OSBPL1A: variants seen among roughly 807,000 people sequenced by gnomAD.
OSBPL1A encodes the protein oxysterol-binding protein-related protein 1.
Under a neutral mutation model 137.1 loss-of-function variants are expected in OSBPL1A, and 80 were observed. That is an observed-to-expected ratio of 0.58 (90% CI 0.49 to 0.70). OSBPL1A has a LOEUF of 0.70. Ranked by LOEUF, OSBPL1A falls within the 30% of genes least tolerant of loss-of-function variation. The probability of loss-of-function intolerance (pLI) is 0.00; values close to 1 mark genes in which losing one functional copy is unlikely to be tolerated. For missense variants in OSBPL1A, 970 were observed against 1,129.4 expected, an observed-to-expected ratio of 0.86 and a Z score of 2.02; for synonymous variants, 365 against 389.7, an observed-to-expected ratio of 0.94 and a Z score of 0.75.
chr18:24,228,291 C>T (rs540841866), intron 16 of OSBPL1A, among the ~76,000 whole-genome samples: 1 of 150,860 alleles, frequency 6.6e-6, no homozygotes, highest in East Asian at 2.0e-4. Context: ...TTTCTTCCCC[C>T]TCCCCTCACC....
Position 24,317,176 on chromosome 18 carries a change from G to T in OSBPL1A, c.843C>A (p.Cys281Ter). Residue 281 changes from cysteine to a stop codon, truncating the protein, a stop_gained, in exon 11 of 28, where the codon TGC (cysteine) becomes TGA (stop). Transcript: ENST00000319481. LOFTEE classifies it high-confidence loss of function. ...DAVHNIYRQG[C>*]KHLTQAVCTV... ...TGCATACTGCTTGAGTCAGGTGTTT[G>T]CATCCCTGGCGATAAATATTATGAA... 1.2e-6 allele frequency: 2 copies of T among 1,613,748 alleles called. No homozygotes were observed. The highest frequency in any genetic ancestry group is 1.7e-6 in the Non-Finnish European group (2 of 1,179,924).
chr18:24,183,116 T>C (rs757713467), intron 18 of OSBPL1A, among the ~76,000 whole-genome samples: 4 of 151,852 alleles, frequency 2.6e-5, no homozygotes, highest in Admixed American at 6.6e-5. Flanking sequence ...AGGGATCCGA[T>C]CCTCCCACCT....
chr18:24,344,831 G>C (rs2091319666), intron 4 of OSBPL1A, among the ~76,000 whole-genome samples: 1 of 151,968 alleles, frequency 6.6e-6, no homozygotes, highest in Admixed American at 6.6e-5. Context: ...GTTTTCTTGG[G>C]GGGAGACGGT....
chr18:24,299,450 T>C (rs1360442423), intron 14 of OSBPL1A, among the ~76,000 whole-genome samples: 1 of 152,172 alleles, frequency 6.6e-6, no homozygotes, highest in African/African-American at 2.4e-5. Flanking sequence ...TCACGTAGAG[T>C]TTATTTGTCT....
At chr18:24,180,461 T>TTGTGTGTG (rs57229701) in intron 19 of OSBPL1A, among the ~76,000 whole-genome samples, 2 of 150,140 alleles carry the variant, frequency 1.3e-5, no homozygotes, top group Non-Finnish European at 3.0e-5. Flanking sequence ...TTTTTCTATT[T>TTGTGTGTG]TGTGTGTGTG....
intron 16 of OSBPL1A, among the ~76,000 whole-genome samples, chr18:24,228,097 C>G (rs1454017421): frequency 6.6e-6 from 1 of 152,130 alleles, no homozygotes; most frequent in Non-Finnish European, 1.5e-5. Context: ...ACATAAAGAT[C>G]TACGACCCAC....
chr18:24,365,277 A>T (rs990241605), intron 4 of OSBPL1A, among the ~76,000 whole-genome samples: 27 of 152,168 alleles, frequency 1.8e-4, no homozygotes, highest in African/African-American at 6.5e-4. Context: ...AAAAGTTTGT[A>T]TGATACTGTT....
chr18:24,377,579 A>G, intron 1 of OSBPL1A, 44 bp from the exon 2 acceptor site: 4 of 1,529,308 alleles, frequency 2.6e-6, no homozygotes, highest in Non-Finnish European at 3.5e-6. Context: ...TAAGAACATA[A>G]TTAGCTTTTA....
chr18:24,286,226 TA>T (rs1208644283), intron 14 of OSBPL1A, among the ~76,000 whole-genome samples: 1 of 152,192 alleles, frequency 6.6e-6, no homozygotes, highest in Non-Finnish European at 1.5e-5. Context: ...TGAAAATCAG[TA>T]CTCTCTTTTC....
chr18:24,321,474 T>G (rs1264261340), intron 7 of OSBPL1A, among the ~76,000 whole-genome samples: 2 of 152,214 alleles, frequency 1.3e-5, no homozygotes, highest in Non-Finnish European at 2.9e-5. Flanking sequence ...TTTTTGTATT[T>G]TTTTGTAGGA....
intron 14 of OSBPL1A, among the ~76,000 whole-genome samples, chr18:24,282,387 G>C (rs2089978966): frequency 6.6e-6 from 1 of 151,984 alleles, no homozygotes; most frequent in Non-Finnish European, 1.5e-5. Context: ...CTTCCTATTT[G>C]GACCACTGTT....
chr18:24,189,589 T>C (rs991656723), intron 18 of OSBPL1A, among the ~76,000 whole-genome samples: 1 of 152,218 alleles, frequency 6.6e-6, no homozygotes, highest in East Asian at 1.9e-4. Flanking sequence ...AAAAAATTCA[T>C]TGTGCTTACA....
At position 24,358,434 on chromosome 18, in the gene OSBPL1A, G is replaced by A. The variant is rs115136015; in HGVS notation, c.282+8458C>T. 4,650 of 701,874 alleles carry A rather than the reference G, an allele frequency of 6.6e-3. 136 individuals are homozygous for A. In the African/African-American group the frequency reaches 0.069, roughly 10 times the overall value. The allele number at this position is 701,874 out of a possible 1,614,324, so 43.5% of individuals were successfully genotyped here. A position where few individuals can be genotyped will look rare whatever the true frequency, so the allele number is the denominator to read the frequency against. On this transcript the variant is annotated intron_variant, in intron 4 of 27. Transcript: ENST00000319481. ...TCCTGTCCACTTCTTCCCCACCCTC[G>A]TGCACAGGTGTGATGCCACGAGCAC...
At chr18:24,340,912 C>T (rs2091263882) in intron 5 of OSBPL1A, among the ~76,000 whole-genome samples, 1 of 152,190 alleles carries the variant, frequency 6.6e-6, no homozygotes, top group Non-Finnish European at 1.5e-5. Flanking sequence ...TTTCATCAGT[C>T]TATTAGCCAC....
rs545457039 is a variant in OSBPL1A, at chr18:24,184,530, C to G, written c.1678-3251G>C. Among the ~76,000 whole-genome samples the G allele has an allele frequency of 5.9e-5, 9 of 152,262 alleles. 1 individual carries two copies. In the South Asian group the frequency reaches 1.9e-3, roughly 32 times the overall value. ...TCTTTCCTCCTCAAGTTTTGTAGCA[C>G]TCACTGATTTCCTACTCTTTCCAAC... On this transcript the variant is annotated intron_variant, in intron 18 of 27. Coordinates refer to ENST00000319481, the MANE Select transcript of OSBPL1A (RefSeq NM_080597.4).
chr18:24,242,362 GA>G (rs763210095), intron 15 of OSBPL1A, among the ~76,000 whole-genome samples: 1 of 150,586 alleles, frequency 6.6e-6, no homozygotes, highest in Non-Finnish European at 1.5e-5. Flanking sequence ...AGAAAGAAAA[GA>G]AAAGCACTGG....
In OSBPL1A at chr18:24,322,738, A is replaced by G. The variant is rs191183695; in HGVS notation, c.626-3929T>C. Among the ~76,000 whole-genome samples, 536 of 152,276 alleles carry G rather than the reference A, an allele frequency of 3.5e-3. 3 individuals are homozygous for G. The highest frequency in any genetic ancestry group is 0.012 in the African/African-American group (480 of 41,558). The stretch of plus-strand genomic sequence containing the variant: ...CAAAAATAAATTCTGAACTCCTGCC[A>G]ACTAGATGAAATTCCAGAAGAGAGA... On this transcript the variant is annotated intron_variant, in intron 7 of 27. Coordinates refer to ENST00000319481, the MANE Select transcript of OSBPL1A (RefSeq NM_080597.4).
intron 15 of OSBPL1A, among the ~76,000 whole-genome samples, chr18:24,243,337 A>T (rs989902840): frequency 6.6e-6 from 1 of 152,220 alleles, no homozygotes; most frequent in Non-Finnish European, 1.5e-5. Context: ...TTCTAAAATC[A>T]ACACTGCAAG....
chr18:24,197,042 T>C lies in OSBPL1A; in HGVS notation c.1602-842A>G, dbSNP rs1315280409. Among the ~76,000 whole-genome samples, 10 of 152,292 alleles carry C rather than the reference T, an allele frequency of 6.6e-5. No homozygotes were observed. The East Asian group carries it at 1.9e-3, about 29-fold the overall frequency. The stretch of plus-strand genomic sequence containing the variant: ...TGCCCAGGCCAACTTTCCAGAACAC[T>C]ATTATGAAAGTTTTCCAGTTGCTGG... On this transcript the variant is annotated intron_variant, in intron 17 of 27. Transcript: ENST00000319481.
Sources: allele counts gnomAD v4.1 joint callset (sites outside exome capture counted in the v4.1 genomes callset), GRCh38; gene constraint gnomAD v4.1.1; transcripts MANE v1.5; gene names NCBI Gene and HGNC (gene_info 2026-07-23, HGNC 2026-07-21).